Variants in OPCML observed in about 807,000 individuals in gnomAD.
OPCML encodes opioid-binding protein/cell adhesion molecule.
Under a neutral mutation model 37.8 loss-of-function variants are expected in OPCML, and 13 were observed. That is an observed-to-expected ratio of 0.34 (90% CI 0.22 to 0.55). The LOEUF is 0.55. Ranked by LOEUF, OPCML falls within the 20% of genes least tolerant of loss-of-function variation. OPCML has a pLI of 0.91. For missense variants in OPCML, 341 were observed against 435.6 expected (o/e 0.78, Z 1.93); for synonymous variants, 176 against 168.8 (o/e 1.04, Z -0.33).
At chr11:132,511,868 A>G (rs565870001) in intron 4 of OPCML, among the ~76,000 whole-genome samples, 15 of 152,248 alleles carry the variant, frequency 9.9e-5, no homozygotes, top group African/African-American at 3.4e-4. Flanking sequence ...ATTGGACTTC[A>G]TCCAAATGTA....
intron 2 of OPCML, among the ~76,000 whole-genome samples, chr11:132,927,547 C>A (rs1244544295): frequency 6.6e-6 from 1 of 151,990 alleles, no homozygotes; most frequent in Non-Finnish European, 1.5e-5. Context: ...AATTCATTAC[C>A]ACTAGACCTG....
chr11:132,455,945 T>C (rs2096081543), intron 4 of OPCML, among the ~76,000 whole-genome samples: 1 of 152,208 alleles, frequency 6.6e-6, no homozygotes, highest in Non-Finnish European at 1.5e-5. Context: ...TGGAATCCTC[T>C]CTCTCTCTGC....
At chr11:132,912,396 C>A (rs975843273) in intron 2 of OPCML, among the ~76,000 whole-genome samples, 2 of 152,152 alleles carry the variant, frequency 1.3e-5, no homozygotes, top group Non-Finnish European at 2.9e-5. Context: ...ATACAATAAA[C>A]CCCTTTCCAC....
intron 1 of OPCML, among the ~76,000 whole-genome samples, chr11:132,946,616 G>A (rs1945750447): frequency 6.6e-6 from 1 of 152,172 alleles, no homozygotes; most frequent in Non-Finnish European, 1.5e-5. Flanking sequence ...CATTGACAGA[G>A]CATTGTTACA....
At chr11:132,693,072 G>T (rs991958518) in intron 2 of OPCML, among the ~76,000 whole-genome samples, 3 of 152,192 alleles carry the variant, frequency 2.0e-5, no homozygotes, top group African/African-American at 7.2e-5. Context: ...TCAGTTCCTG[G>T]CTCTTTGCCC....
intron 2 of OPCML, among the ~76,000 whole-genome samples, chr11:132,836,714 G>C (rs981704240): frequency 1.3e-5 from 2 of 152,108 alleles, no homozygotes; most frequent in African/African-American, 4.8e-5. Context: ...CTGTGAGCTA[G>C]AGGCAAGGAT....
intron 3 of OPCML, among the ~76,000 whole-genome samples, chr11:132,641,012 G>A (rs1374350810): frequency 6.6e-6 from 1 of 152,158 alleles, no homozygotes; most frequent in African/African-American, 2.4e-5. Flanking sequence ...TTAAGGGATT[G>A]TTCCAGTATC....
intron 2 of OPCML, among the ~76,000 whole-genome samples, chr11:132,761,707 G>A (rs1013790410): frequency 2.0e-5 from 3 of 152,032 alleles, no homozygotes; most frequent in South Asian, 2.1e-4. Context: ...AGCAGTTCCC[G>A]TAACCTTTTA....
intron 3 of OPCML, among the ~76,000 whole-genome samples, chr11:132,652,303 C>T (rs1037451973): frequency 6.6e-6 from 1 of 151,552 alleles, no homozygotes; most frequent in Non-Finnish European, 1.5e-5. Context: ...GCTTTGTCCT[C>T]AATTTCTGTT....
intron 2 of OPCML, among the ~76,000 whole-genome samples, chr11:132,940,687 G>C (rs892471359): frequency 6.6e-6 from 1 of 152,200 alleles, no homozygotes; most frequent in Non-Finnish European, 1.5e-5. Context: ...AAAGGAGAGA[G>C]ATGGGGACAC....
At chr11:132,626,812 TTCTCTCTCTC>T (rs375135656) in intron 3 of OPCML, among the ~76,000 whole-genome samples, 21,836 of 147,062 alleles carry the variant, frequency 0.15, 1,811 homozygotes, top group East Asian at 0.29. Flanking sequence ...AAAGGGAAGT[TTCTCTCTCTC>T]TCTCTCTCTC....
chr11:132,967,331 T>A lies in OPCML; in HGVS notation c.62-24321A>T, dbSNP rs180772795. 1.1e-4 allele frequency among the ~76,000 whole-genome samples: 16 copies of A among 152,248 alleles called. 1 individual carries two copies. The East Asian group carries it at 3.1e-3, about 29-fold the overall frequency. ...TCCCACATTTTGTTTCTTATACATA[T>A]TACAACTGTATTGTTACAAACCAAT... On this transcript the variant is annotated intron_variant, in intron 1 of 7. Transcript: ENST00000524381.
At chr11:132,917,680 T>A (rs1944652342) in intron 2 of OPCML, among the ~76,000 whole-genome samples, 1 of 152,196 alleles carries the variant, frequency 6.6e-6, no homozygotes, top group Non-Finnish European at 1.5e-5. Context: ...TTGGCCAAGG[T>A]CACCCTTCCC....
At chr11:132,709,490 C>G (rs1219430150) in intron 2 of OPCML, among the ~76,000 whole-genome samples, 1 of 152,174 alleles carries the variant, frequency 6.6e-6, no homozygotes, top group Non-Finnish European at 1.5e-5. Context: ...CACCATCTCA[C>G]AGTGCATTTA....
chr11:133,038,525 C>T (rs1273597338), intron 1 of OPCML, among the ~76,000 whole-genome samples: 1 of 152,108 alleles, frequency 6.6e-6, no homozygotes, highest in Non-Finnish European at 1.5e-5. Flanking sequence ...TAAATAATGG[C>T]AACTAAAATT....
intron 2 of OPCML, among the ~76,000 whole-genome samples, chr11:132,834,712 C>A (rs1379551734): frequency 1.3e-5 from 2 of 152,120 alleles, no homozygotes; most frequent in Non-Finnish European, 2.9e-5. Flanking sequence ...TTAGGATGAA[C>A]CCTGATGACC....
At chr11:133,518,115 G>A (rs1376527249) in intron 1 of OPCML, among the ~76,000 whole-genome samples, 1 of 152,072 alleles carries the variant, frequency 6.6e-6, no homozygotes, top group African/African-American at 2.4e-5. Flanking sequence ...TGTATGTGTG[G>A]TGTGTGTGGA....
chr11:133,391,200 G>A (rs1945167727), intron 1 of OPCML, among the ~76,000 whole-genome samples: 2 of 152,182 alleles, frequency 1.3e-5, no homozygotes, highest in African/African-American at 4.8e-5. Context: ...AGCATCCATG[G>A]ACAGGCAGCA....
chr11:132,449,379 T>A (rs1369528805), intron 4 of OPCML, among the ~76,000 whole-genome samples: 1 of 152,192 alleles, frequency 6.6e-6, no homozygotes, highest in Non-Finnish European at 1.5e-5. Context: ...ACTGGAATAA[T>A]GTCTCATAGG....
Sources: gnomAD v4.1 joint callset for allele counts (sites outside exome capture counted in the v4.1 genomes callset) on GRCh38, gnomAD v4.1.1 for gene constraint, MANE v1.5 for transcripts, NCBI Gene and HGNC (gene_info 2026-07-23, HGNC 2026-07-21) for gene names.